The following SLC13A1 variants were observed in gnomAD, a reference collection of about 807,000 sequenced individuals.
The protein encoded by SLC13A1 is solute carrier family 13 member 1.
SLC13A1 carries 65 observed loss-of-function variants against 70.0 expected under a neutral mutation model. That is an observed-to-expected ratio of 0.93 (90% CI 0.76 to 1.14). SLC13A1 has a LOEUF of 1.14. Ranked by LOEUF, SLC13A1 falls within the 50% of genes most tolerant of loss-of-function variation. SLC13A1 has a pLI of 0.00. For synonymous variants in SLC13A1, 275 were observed against 250.5 expected (o/e 1.10, Z -0.92); for missense variants, 726 against 717.8 (o/e 1.01, Z -0.13).
rs138731187 is a variant in SLC13A1 at position 123,140,826 on chromosome 7, T to A, written c.813-6297A>T. On this transcript the variant is annotated intron_variant, in intron 7 of 14. Transcript: ENST00000194130. ...TGGATCTTTTCTCTTGCTTTCTTAGTCTGGCTAAAGATTTGCCAATTTTGT... is the reference window on the plus strand; with the variant it reads ...TGGATCTTTTCTCTTGCTTTCTTAGACTGGCTAAAGATTTGCCAATTTTGT... Among the ~76,000 whole-genome samples, 381 of 152,216 alleles carry A rather than the reference T, an allele frequency of 2.5e-3. 1 individual carries two copies. Among genetic ancestry groups the A allele is most frequent in the African/African-American group, 8.5e-3 (355 of 41,570 alleles).
At chr7:123,194,855 T>G (rs951634310) in intron 1 of SLC13A1, among the ~76,000 whole-genome samples, 1 of 152,110 alleles carries the variant, frequency 6.6e-6, no homozygotes, top group Non-Finnish European at 1.5e-5. Flanking sequence ...CAGCAGGTTT[T>G]GGGCAAGTGG....
intron 1 of SLC13A1, among the ~76,000 whole-genome samples, chr7:123,189,037 C>T (rs905835398): frequency 1.4e-5 from 2 of 145,360 alleles, no homozygotes; most frequent in African/African-American, 5.1e-5. Flanking sequence ...ATGGCGTGAA[C>T]CCGGGAGGCG....
At chr7:123,144,715 G>A (rs986999248) in intron 7 of SLC13A1, among the ~76,000 whole-genome samples, 1 of 152,100 alleles carries the variant, frequency 6.6e-6, no homozygotes, top group African/African-American at 2.4e-5. Context: ...ACACGGAGAT[G>A]TGCTTTGACC....
At chr7:123,160,485 T>G (rs909866754) in intron 6 of SLC13A1, among the ~76,000 whole-genome samples, 18 of 152,028 alleles carry the variant, frequency 1.2e-4, no homozygotes, top group African/African-American at 3.1e-4. Flanking sequence ...ATAGAATACC[T>G]GCATGATAGA....
At chr7:123,161,210 GATAA>G (rs1237920020) in intron 6 of SLC13A1, among the ~76,000 whole-genome samples, 13 of 149,988 alleles carry the variant, frequency 8.7e-5, no homozygotes, top group African/African-American at 1.5e-4. Flanking sequence ...AATAAAATAA[GATAA>G]ATAAAGATTT....
chr7:123,171,306 C>T (rs951877705), intron 3 of SLC13A1, among the ~76,000 whole-genome samples: 1 of 152,138 alleles, frequency 6.6e-6, no homozygotes, highest in African/African-American at 2.4e-5. Flanking sequence ...AAATATTCAC[C>T]TTGGAATTTT....
In SLC13A1 at chr7:123,131,980, A is replaced by G. The variant is rs111358865; in HGVS notation, c.932+2430T>C. Reference sequence around the variant, plus strand: ...TTTGATAAAGTCATTAAATGTAGCAATGAAGAACCTGTGACTCTTTTGACT... The same window carrying G: ...TTTGATAAAGTCATTAAATGTAGCAGTGAAGAACCTGTGACTCTTTTGACT... On this transcript the variant is annotated intron_variant, in intron 8 of 14. Transcript: ENST00000194130. Among the ~76,000 whole-genome samples, 1,337 of 152,320 alleles carry G rather than the reference A, an allele frequency of 8.8e-3. 19 individuals carry two copies. The highest frequency in any genetic ancestry group is 0.03 in the African/African-American group (1,252 of 41,570).
At position 123,119,216 on chromosome 7, in the gene SLC13A1, TC is replaced by T. The variant is rs749594816; in HGVS notation, c.1376del (p.Gly459GlufsTer14). The stretch of plus-strand genomic sequence containing the variant: ...ATGAACCCAGAGGAGATAATTTATT[TC>T]CTATCCACTTAGATAATCCAGACTC... The part of the protein sequence containing the change: ...CEESGLSKWI[G>X]NKLSPLGSLP... On this transcript the variant is annotated frameshift_variant, in exon 13 of 15. Coordinates refer to ENST00000194130, the MANE Select transcript of SLC13A1 (RefSeq NM_022444.4). LOFTEE classifies it high-confidence loss of function. 6.2e-7 allele frequency: 1 copy of T among 1,610,664 alleles called. No individual in the cohort carries two copies. The highest frequency in any genetic ancestry group is 8.5e-7 in the Non-Finnish European group (1 of 1,178,088).
chr7:123,184,555 G>A (rs563046115), intron 1 of SLC13A1, among the ~76,000 whole-genome samples: 2 of 151,942 alleles, frequency 1.3e-5, no homozygotes, highest in African/African-American at 4.8e-5. Flanking sequence ...ATATCCTTCA[G>A]GTTCATACAT....
intron 2 of SLC13A1, among the ~76,000 whole-genome samples, chr7:123,172,605 A>G (rs1202971513): frequency 1.3e-5 from 2 of 152,238 alleles, no homozygotes; most frequent in African/African-American, 2.4e-5. Context: ...TGGGCGACAG[A>G]GTGAGACTTC....
chr7:123,192,898 GA>G (rs1796046386), intron 1 of SLC13A1, among the ~76,000 whole-genome samples: 1 of 152,096 alleles, frequency 6.6e-6, no homozygotes, highest in Admixed American at 6.6e-5. Flanking sequence ...GAAATAACTA[GA>G]TGTTTTTTCT....
At chr7:123,198,327 G>T (rs1170983669) in intron 1 of SLC13A1, among the ~76,000 whole-genome samples, 1 of 151,942 alleles carries the variant, frequency 6.6e-6, no homozygotes, top group Admixed American at 6.6e-5. Flanking sequence ...GAGGGAAAGG[G>T]TTAGTCACAC....
rs553159997 is a variant in SLC13A1 at position 123,169,805 on chromosome 7, A to G, written c.366-470T>C. ...GTTCATAGGGGTGTCAAGGAGGTAC[A>G]AGGACAAAGAAAGATTAATATTTAT... On this transcript the variant is annotated intron_variant, in intron 3 of 14. Transcript: ENST00000194130. 5.9e-5 allele frequency among the ~76,000 whole-genome samples: 9 copies of G among 152,322 alleles called. No individual in the cohort carries two copies. The East Asian group carries it at 1.7e-3, about 29-fold the overall frequency.
intron 6 of SLC13A1, among the ~76,000 whole-genome samples, chr7:123,166,866 A>G (rs1344141708): frequency 6.6e-6 from 1 of 152,146 alleles, no homozygotes; most frequent in East Asian, 1.9e-4. Flanking sequence ...GTGCATCCCC[A>G]TCAAAAAGTG....
intron 10 of SLC13A1, among the ~76,000 whole-genome samples, chr7:123,127,199 T>C (rs543828085): frequency 1.3e-5 from 2 of 152,250 alleles, no homozygotes; most frequent in South Asian, 4.1e-4. Context: ...TATTTTAAAA[T>C]CCCATCCTCT....
intron 9 of SLC13A1, among the ~76,000 whole-genome samples, chr7:123,129,171 G>T (rs1355038601): frequency 1.3e-5 from 2 of 152,044 alleles, no homozygotes; most frequent in South Asian, 2.1e-4. Flanking sequence ...GTTAGACAGG[G>T]TATGTGTTTT....
At position 123,193,862 on chromosome 7, in the gene SLC13A1, C is replaced by T. The variant is rs138020725; in HGVS notation, c.99+5986G>A. ...AGAAAGAGCTTTGTGAAAGGGACAGCCTCTGGTTACACCTACATTCTTCTT... is the reference window on the plus strand; with the variant it reads ...AGAAAGAGCTTTGTGAAAGGGACAGTCTCTGGTTACACCTACATTCTTCTT... On this transcript the variant is annotated intron_variant, in intron 1 of 14. Coordinates refer to ENST00000194130, the MANE Select transcript of SLC13A1 (RefSeq NM_022444.4). Among the ~76,000 whole-genome samples the T allele has an allele frequency of 1.6e-3, 249 of 152,232 alleles. 1 individual carries two copies. Among genetic ancestry groups the T allele is most frequent in the Non-Finnish European group, 2.7e-3 (182 of 67,998 alleles).
At chr7:123,183,237 C>A (rs147711091) in intron 1 of SLC13A1, among the ~76,000 whole-genome samples, 117 of 152,248 alleles carry the variant, frequency 7.7e-4, no homozygotes, top group African/African-American at 2.6e-3. Context: ...ATTTGATTCA[C>A]AGTGTTATAA....
intron 2 of SLC13A1, among the ~76,000 whole-genome samples, 164 bp downstream of exon 2, chr7:123,180,809 G>A (rs993958626): frequency 6.6e-6 from 1 of 152,030 alleles, no homozygotes; most frequent in African/African-American, 2.4e-5. Context: ...CTTTGAAGGT[G>A]GACACACATG....
Sources: allele counts gnomAD v4.1 joint callset (sites outside exome capture counted in the v4.1 genomes callset), GRCh38; gene constraint gnomAD v4.1.1; transcripts MANE v1.5; gene names NCBI Gene and HGNC (gene_info 2026-07-23, HGNC 2026-07-21).